The following SYN2 variants were observed in gnomAD, a reference collection of about 807,000 sequenced individuals.
SYN2 encodes the protein synapsin II.
SYN2 carries 19 observed loss-of-function variants against 50.9 expected under a neutral mutation model. That is an observed-to-expected ratio of 0.37 (90% CI 0.26 to 0.55). The LOEUF (loss-of-function observed/expected upper bound fraction) is 0.55. SYN2 is among the 20% of genes least tolerant of loss of function. SYN2 has a pLI of 0.81. For missense variants in SYN2, 587 were observed against 576.4 expected (o/e 1.02, Z -0.19); for synonymous variants, 255 against 224.9 (o/e 1.13, Z -1.20).
chr3:12,027,230 C>T (rs1010520952), intron 1 of SYN2, among the ~76,000 whole-genome samples: 30 of 152,102 alleles, frequency 2.0e-4, no homozygotes, highest in African/African-American at 5.8e-4. Flanking sequence ...ATTCTGTCTC[C>T]GGAAACATAT....
chr3:12,038,920 G>GTCCTGGCTAATTA (rs1484837191), intron 1 of SYN2, among the ~76,000 whole-genome samples: 5 of 152,038 alleles, frequency 3.3e-5, no homozygotes, highest in Non-Finnish European at 7.4e-5. Context: ...CTGGCTAATT[G>GTCCTGGCTAATTA]TCCTGGCTAG....
intron 1 of SYN2, among the ~76,000 whole-genome samples, chr3:12,132,612 C>G (rs1377151109): frequency 6.6e-6 from 1 of 152,156 alleles, no homozygotes; most frequent in Non-Finnish European, 1.5e-5. Flanking sequence ...TTACTAAAAT[C>G]AGAGTCATTT....
intron 12 of SYN2, 81 bp downstream of exon 12, chr3:12,187,693 A>G: frequency 4.2e-6 from 6 of 1,442,452 alleles, no homozygotes; most frequent in Non-Finnish European, 5.5e-6. Flanking sequence ...GCTAGAAATC[A>G]CCTTCAATCA....
intron 1 of SYN2, among the ~76,000 whole-genome samples, chr3:12,078,420 G>A (rs1695518524): frequency 1.3e-5 from 2 of 151,952 alleles, no homozygotes; most frequent in South Asian, 4.2e-4. Flanking sequence ...TTTCTTCCAG[G>A]GATTTTATAG....
chr3:12,137,803 T>C (rs933863639), intron 1 of SYN2, among the ~76,000 whole-genome samples: 4 of 152,216 alleles, frequency 2.6e-5, no homozygotes, highest in African/African-American at 9.6e-5. Flanking sequence ...ACTGGAAGTA[T>C]ATGCTTATAA....
chr3:12,088,658 C>T (rs562833356), intron 1 of SYN2, among the ~76,000 whole-genome samples: 5 of 58,502 alleles, frequency 8.5e-5, no homozygotes, highest in East Asian at 3.0e-3. Flanking sequence ...AACCAATGGA[C>T]GGATAAACAA....
intron 5 of SYN2, chr3:12,154,228 TC>T: frequency 1.3e-6 from 2 of 1,544,134 alleles, no homozygotes; most frequent in South Asian, 2.4e-5. Flanking sequence ...ACAGTGCAGA[TC>T]TCAAGTATAG....
intron 1 of SYN2, among the ~76,000 whole-genome samples, chr3:12,073,341 G>A (rs1349157785): frequency 6.6e-6 from 1 of 152,160 alleles, no homozygotes; most frequent in Non-Finnish European, 1.5e-5. Flanking sequence ...AGGCCTAAGT[G>A]CTTCTTAAAA....
intron 11 of SYN2, among the ~76,000 whole-genome samples, chr3:12,187,123 G>T (rs1476740862): frequency 6.6e-6 from 1 of 152,138 alleles, no homozygotes; most frequent in Non-Finnish European, 1.5e-5. Context: ...CTCGTCCCTG[G>T]TTCCTCCTTG....
chr3:12,186,318 C>G (rs1034455800), intron 11 of SYN2, among the ~76,000 whole-genome samples: 1 of 152,112 alleles, frequency 6.6e-6, no homozygotes, highest in African/African-American at 2.4e-5. Context: ...GATTTCTAAG[C>G]GTTGGGACCC....
Position 12,168,412 on chromosome 3 carries a change from T to C in SYN2, c.1092T>C (p.Phe364=). ...KLWVDTCSEM[F]GGLDICAVKA... is the part of the protein sequence containing the mutation. ...GGGTGGACACCTGCTCTGAGATGTTTGGCGGCCTGGACATCTGTGCTGTCA... is the reference window on the plus strand; with the variant it reads ...GGGTGGACACCTGCTCTGAGATGTTCGGCGGCCTGGACATCTGTGCTGTCA... Residue 364 remains phenylalanine (F), a synonymous_variant, in exon 9 of 13, where the codon TTT becomes TTC. Transcript: ENST00000621198. 1 of 1,613,990 alleles carries C rather than the reference T, an allele frequency of 6.2e-7. No individual in the cohort carries two copies. The highest frequency in any genetic ancestry group is 8.5e-7 in the Non-Finnish European group (1 of 1,179,932).
At chr3:12,177,955 G>A (rs902284130) in intron 10 of SYN2, among the ~76,000 whole-genome samples, 3 of 152,200 alleles carry the variant, frequency 2.0e-5, no homozygotes, top group Non-Finnish European at 4.4e-5. Context: ...AAGGAGAAGC[G>A]GCTCATCCCT....
chr3:12,145,765 T>G lies in SYN2; in HGVS notation c.614T>G (p.Met205Arg). ...NEDFRHLIIG[M>R]QYAGLPSINS... is the part of the protein sequence containing the mutation. ...GACTTCCGCCACCTGATCATTGGTA[T>G]GCAGTATGCAGGCCTCCCCAGCATC... Residue 205 changes from methionine (M) to arginine (R), a missense_variant, in exon 4 of 13, where the codon ATG becomes AGG. Met to Arg is a moderately conservative substitution (Grantham distance 91). Transcript: ENST00000621198. 6.2e-7 allele frequency: 1 copy of G among 1,614,038 alleles called. No individual in the cohort carries two copies. Among genetic ancestry groups the G allele is most frequent in the Non-Finnish European group, 8.5e-7 (1 of 1,179,892 alleles).
chr3:12,154,600 A>G (rs1697402055), intron 5 of SYN2: 1 of 758,482 alleles, frequency 1.3e-6, no homozygotes, highest in Non-Finnish European at 2.1e-6. Flanking sequence ...ACCAATAAAT[A>G]AAACTACTAT....
chr3:12,186,566 T>G (rs527502624), intron 11 of SYN2, among the ~76,000 whole-genome samples: 4 of 152,312 alleles, frequency 2.6e-5, no homozygotes, highest in East Asian at 1.9e-4. Flanking sequence ...AGGTTCATCC[T>G]GCTAGAACCC....
At chr3:12,153,505 C>A (rs374064867) in intron 5 of SYN2, 223 of 1,612,730 alleles carry the variant, frequency 1.4e-4, no homozygotes, top group Admixed American at 3.3e-5. Flanking sequence ...GTGATGGTCA[C>A]TGGTCCCTAC....
At chr3:12,117,031 A>G (rs1645651638) in intron 1 of SYN2, among the ~76,000 whole-genome samples, 4 of 152,186 alleles carry the variant, frequency 2.6e-5, no homozygotes, top group Admixed American at 2.6e-4. Flanking sequence ...GATTATAGGC[A>G]TTCACCACCA....
At chr3:12,090,903 T>G (rs147575896) in intron 1 of SYN2, among the ~76,000 whole-genome samples, 15 of 152,304 alleles carry the variant, frequency 9.8e-5, no homozygotes, top group Admixed American at 9.2e-4. Context: ...GTGATAGATG[T>G]ATTTAAAATG....
intron 10 of SYN2, among the ~76,000 whole-genome samples, chr3:12,172,168 A>G (rs1249108458): frequency 1.3e-5 from 2 of 152,220 alleles, no homozygotes; most frequent in Non-Finnish European, 2.9e-5. Flanking sequence ...CTGCTATAAC[A>G]TTATGTGACC....
Sources: gnomAD v4.1 joint callset for allele counts (sites outside exome capture counted in the v4.1 genomes callset) on GRCh38, gnomAD v4.1.1 for gene constraint, MANE v1.5 for transcripts, NCBI Gene and HGNC (gene_info 2026-07-23, HGNC 2026-07-21) for gene names.